The following FAM117A variants were observed in gnomAD, a reference collection of about 807,000 sequenced individuals.
The protein encoded by FAM117A is family with sequence similarity 117 member A, also known as protein FAM117A.
In FAM117A, 21 loss-of-function variants were observed where a neutral mutation model predicts 44.1. That is an observed-to-expected ratio of 0.48 (90% CI 0.34 to 0.69). The LOEUF is 0.69. FAM117A is among the 30% of genes least tolerant of loss of function. The probability of loss-of-function intolerance (pLI) is 0.01; values close to 1 mark genes in which losing one functional copy is unlikely to be tolerated. For synonymous variants in FAM117A, 220 were observed against 238.3 expected, an observed-to-expected ratio of 0.92 and a Z score of 0.71; for missense variants, 498 against 589.9, an observed-to-expected ratio of 0.84 and a Z score of 1.61.
At chr17:49,729,056 T>C (rs936176059) in intron 2 of FAM117A, among the ~76,000 whole-genome samples, 4 of 152,242 alleles carry the variant, frequency 2.6e-5, no homozygotes, top group Non-Finnish European at 5.9e-5. Flanking sequence ...TAGGATGAGA[T>C]TGTTGGCACT....
intron 1 of FAM117A, among the ~76,000 whole-genome samples, chr17:49,759,475 G>A (rs2073713285): frequency 6.6e-6 from 1 of 152,212 alleles, no homozygotes; most frequent in Non-Finnish European, 1.5e-5. Context: ...AACAGAAGCT[G>A]CCTCAATCAC....
chr17:49,755,832 G>A (rs1457705371), intron 1 of FAM117A, among the ~76,000 whole-genome samples: 1 of 152,152 alleles, frequency 6.6e-6, no homozygotes, highest in East Asian at 1.9e-4. Context: ...GGGGAGGTGT[G>A]GCTTACTCTC....
chr17:49,727,890 TGTCAAGCA>T (rs1204766908), intron 2 of FAM117A, among the ~76,000 whole-genome samples: 5 of 152,212 alleles, frequency 3.3e-5, no homozygotes, highest in Non-Finnish European at 5.9e-5. Context: ...TGCACGGGAC[TGTCAAGCA>T]GCATGGTGCC....
rs142144090 is a variant in FAM117A, at chr17:49,716,211, C to G, written c.1015G>C (p.Glu339Gln). ...RPNHSYIFKR[E>Q]PPEGCEKVRV... Reference sequence around the variant, plus strand: ...ACTTTCTCACAGCCTTCTGGGGGCTCCCGTTTGAAGATGTAGCTATGATTA... The same window carrying G: ...ACTTTCTCACAGCCTTCTGGGGGCTGCCGTTTGAAGATGTAGCTATGATTA... The change falls in exon 7 of 8, where the codon GAG becomes CAG. Residue 339 changes from glutamate to glutamine, a missense_variant. Glu to Gln is a conservative substitution (Grantham distance 29). Coordinates refer to ENST00000240364, the MANE Select transcript of FAM117A (RefSeq NM_030802.4). The G allele has an allele frequency of 8.1e-6, 13 of 1,612,972 alleles. No individual in the cohort carries two copies. The highest frequency in any genetic ancestry group is 1.1e-5 in the Non-Finnish European group (13 of 1,179,558).
At chr17:49,740,882 A>C (rs1191346401) in intron 1 of FAM117A, among the ~76,000 whole-genome samples, 1 of 152,242 alleles carries the variant, frequency 6.6e-6, no homozygotes, top group East Asian at 1.9e-4. Context: ...AAGACAGTAG[A>C]TAATGCAGGA....
intron 1 of FAM117A, among the ~76,000 whole-genome samples, chr17:49,733,381 A>G (rs552561137): frequency 2.5e-4 from 38 of 152,238 alleles, no homozygotes; most frequent in Non-Finnish European, 5.4e-4. Context: ...TAAAGCAATT[A>G]TAAATCCATT....
chr17:49,777,142 C>T (rs1545271), intron 1 of FAM117A, among the ~76,000 whole-genome samples: 4,681 of 152,268 alleles, frequency 0.031, 166 homozygotes, highest in African/African-American at 0.086. Flanking sequence ...CCCTGCCTGC[C>T]GCCCATTCTC....
intron 1 of FAM117A, among the ~76,000 whole-genome samples, chr17:49,780,933 C>T (rs147812915): frequency 0.043 from 6,602 of 152,214 alleles, 222 homozygotes; most frequent in Admixed American, 0.095. Flanking sequence ...CGGGTTCAAG[C>T]GATTCTCCTG....
chr17:49,727,236 T>A (rs2073564050), intron 2 of FAM117A, among the ~76,000 whole-genome samples: 1 of 151,756 alleles, frequency 6.6e-6, no homozygotes, highest in African/African-American at 2.4e-5. Context: ...TGAAACTCCG[T>A]CTCTACTAAA....
rs758701786 is a variant in FAM117A, at chr17:49,716,186, A to G, written c.1040T>C (p.Val347Ala). ...KREPPEGCEK[V>A]RVFEEATSPG... Reference sequence around the variant, plus strand: ...TCACGTGGCTTCTTCAAACACACGCACTTTCTCACAGCCTTCTGGGGGCTC... The same window carrying G: ...TCACGTGGCTTCTTCAAACACACGCGCTTTCTCACAGCCTTCTGGGGGCTC... Residue 347 changes from valine (V) to alanine (A), a missense_variant, in exon 7 of 8, where the codon GTG becomes GCG. Val to Ala is a moderately conservative substitution (Grantham distance 64). Transcript: ENST00000240364. 2 of 1,601,202 alleles carry G rather than the reference A, an allele frequency of 1.2e-6. No homozygotes were observed. Among genetic ancestry groups the G allele is most frequent in the South Asian group, 1.1e-5 (1 of 90,892 alleles).
intron 7 of FAM117A, among the ~76,000 whole-genome samples, chr17:49,714,233 A>T (rs1339567105): frequency 2.0e-5 from 3 of 152,204 alleles, no homozygotes; most frequent in African/African-American, 4.8e-5. Flanking sequence ...TAAACACACA[A>T]ACTTCCCAAT....
chr17:49,722,779 A>C (rs1478442283), intron 2 of FAM117A, among the ~76,000 whole-genome samples, 185 bp from the exon 3 acceptor site: 1 of 152,048 alleles, frequency 6.6e-6, no homozygotes, highest in Non-Finnish European at 1.5e-5. Context: ...TTCCCAGTTC[A>C]TGTCCTCCAG....
At chr17:49,764,175 C>G (rs1408392145), upstream of FAM117A, 2 of 656,474 alleles carry the variant, frequency 3.0e-6, no homozygotes, top group African/African-American at 1.9e-5. Flanking sequence ...CTGTACGGGG[C>G]GGGGACCGGC....
chr17:49,783,948 C>T (rs894212662), intron 1 of FAM117A, among the ~76,000 whole-genome samples: 1 of 152,210 alleles, frequency 6.6e-6, no homozygotes, highest in Non-Finnish European at 1.5e-5. Flanking sequence ...GCAAGCCTTT[C>T]CTAGCTGAGT....
chr17:49,763,829 C>G, intron 1 of FAM117A, 63 bp downstream of exon 1: 1 of 666,318 alleles, frequency 1.5e-6, no homozygotes, highest in Non-Finnish European at 2.0e-6. Context: ...CCCCCTCCCG[C>G]GGTCACGCGC....
chr17:49,722,429 T>C, intron 3 of FAM117A, 70 bp downstream of exon 3: 1 of 1,251,788 alleles, frequency 8.0e-7, no homozygotes, highest in African/African-American at 1.5e-5. Flanking sequence ...ATGGAGCAGA[T>C]GCATTGCATG....
At chr17:49,738,229 C>G (rs2073618901) in intron 1 of FAM117A, among the ~76,000 whole-genome samples, 1 of 152,146 alleles carries the variant, frequency 6.6e-6, no homozygotes, top group Non-Finnish European at 1.5e-5. Context: ...TCCCAGTACT[C>G]ACAGGGCTGG....
chr17:49,740,754 C>T (rs530752256), intron 1 of FAM117A, among the ~76,000 whole-genome samples: 1 of 152,324 alleles, frequency 6.6e-6, no homozygotes, highest in South Asian at 2.1e-4. Flanking sequence ...TCTGCTATTC[C>T]CAATATCCCT....
intron 1 of FAM117A, among the ~76,000 whole-genome samples, chr17:49,739,996 CA>C (rs1448155340): frequency 6.6e-6 from 1 of 152,208 alleles, no homozygotes; most frequent in East Asian, 1.9e-4. Context: ...AAAAACAAAA[CA>C]AAACAGCACA....
Sources: allele counts gnomAD v4.1 joint callset (sites outside exome capture counted in the v4.1 genomes callset), GRCh38; gene constraint gnomAD v4.1.1; transcripts MANE v1.5; gene names NCBI Gene and HGNC (gene_info 2026-07-23, HGNC 2026-07-21).